The following WWOX variants were observed in gnomAD, a reference collection of about 807,000 sequenced individuals.
WWOX encodes the protein WW domain-containing oxidoreductase.
Under a neutral mutation model 46.2 loss-of-function variants are expected in WWOX, and 69 were observed. The observed-to-expected ratio is 1.49, with a 90% confidence interval of 1.23 to 1.82. The LOEUF is 1.82. Among genes scored for constraint, WWOX ranks in the 40% most tolerant of loss-of-function variants. The pLI, the probability that WWOX is intolerant of heterozygous loss-of-function variation, is 0.00. For synonymous variants in WWOX, 359 were observed against 202.6 expected (o/e 1.77, Z -6.56); for missense variants, 919 against 542.6 (o/e 1.69, Z -6.89).
chr16:78,934,273 T>C lies in WWOX; in HGVS notation c.1057-277335T>C, dbSNP rs540642575. Among the ~76,000 whole-genome samples, 9 of 143,366 alleles carry C rather than the reference T, an allele frequency of 6.3e-5. No individual in the cohort carries two copies. The East Asian group carries it at 1.9e-3, about 31-fold the overall frequency. The allele number at this position is 143,366 out of a possible 152,430, so 94.1% of individuals were successfully genotyped here. A position where few individuals can be genotyped will look rare whatever the true frequency, so the allele number is the denominator to read the frequency against. On this transcript the variant is annotated intron_variant, in intron 8 of 8. Coordinates refer to ENST00000566780, the MANE Select transcript of WWOX (RefSeq NM_016373.4). ...GAATGGCGTGAACCCAGGAGGCGGA[T>C]CTTGCAGTGAGCCGAGATCGCACCA... is the stretch of plus-strand genomic sequence containing the variant.
intron 8 of WWOX, among the ~76,000 whole-genome samples, chr16:78,656,144 A>T (rs2047075622): frequency 6.6e-6 from 1 of 152,156 alleles, no homozygotes; most frequent in Admixed American, 6.5e-5. Context: ...GATGAAAGTT[A>T]TGCTCTGTTG....
chr16:78,511,504 G>A (rs2085359753), intron 8 of WWOX, among the ~76,000 whole-genome samples: 1 of 152,212 alleles, frequency 6.6e-6, no homozygotes, highest in Non-Finnish European at 1.5e-5. Flanking sequence ...TTGCCCCCAA[G>A]CCTGTTGCCT....
intron 5 of WWOX, among the ~76,000 whole-genome samples, chr16:78,244,938 C>T (rs1054938050): frequency 6.6e-6 from 1 of 152,062 alleles, no homozygotes; most frequent in African/African-American, 2.4e-5. Context: ...AAAGAAAATC[C>T]TCCAATATAT....
At chr16:78,263,465 A>C (rs2079289787) in intron 5 of WWOX, among the ~76,000 whole-genome samples, 1 of 152,114 alleles carries the variant, frequency 6.6e-6, no homozygotes, top group African/African-American at 2.4e-5. Context: ...GGAGAAGGGG[A>C]TATAAGTGCA....
chr16:78,809,878 A>G (rs1373936868), intron 8 of WWOX, among the ~76,000 whole-genome samples: 1 of 152,118 alleles, frequency 6.6e-6, no homozygotes, highest in African/African-American at 2.4e-5. Context: ...GCATGTGCAT[A>G]TGAGCTTTCC....
intron 5 of WWOX, among the ~76,000 whole-genome samples, chr16:78,243,505 C>T (rs2037723995): frequency 1.3e-5 from 2 of 152,134 alleles, no homozygotes; most frequent in East Asian, 3.9e-4. Context: ...TCGGTCCTCT[C>T]CCTCCTTCCA....
At chr16:78,557,763 T>A (rs1313945357) in intron 8 of WWOX, among the ~76,000 whole-genome samples, 2 of 146,934 alleles carry the variant, frequency 1.4e-5, no homozygotes, top group African/African-American at 5.2e-5. Flanking sequence ...TGGCGCGATG[T>A]CAGCTCACTG....
chr16:79,129,963 C>T (rs976576238), intron 8 of WWOX, among the ~76,000 whole-genome samples: 107 of 152,142 alleles, frequency 7.0e-4, no homozygotes, highest in Non-Finnish European at 1.2e-3. Flanking sequence ...TTTAAGTCTC[C>T]GTTTCCTCAT....
intron 5 of WWOX, among the ~76,000 whole-genome samples, chr16:78,333,524 C>T (rs1308040207): frequency 6.6e-6 from 1 of 151,940 alleles, no homozygotes. Flanking sequence ...GTTCTTTTTG[C>T]TTTGTCCGTC....
At chr16:78,690,638 C>T (rs1691216804) in intron 8 of WWOX, among the ~76,000 whole-genome samples, 1 of 150,834 alleles carries the variant, frequency 6.6e-6, no homozygotes, top group Non-Finnish European at 1.5e-5. Flanking sequence ...AATATATTCA[C>T]AGTTGCAAAC....
rs577022903 is a variant in WWOX at position 79,114,958 on chromosome 16, A to G, written c.1057-96650A>G. Among the ~76,000 whole-genome samples, 238 of 152,358 alleles carry G rather than the reference A, an allele frequency of 1.6e-3. No homozygotes were observed. In the Middle Eastern group the frequency reaches 0.027, roughly 17 times the overall value. Reference sequence around the variant, plus strand: ...ACTAAATTATATACATCTCAAGGGCAGTTAGACAATTAGCTCGCCCACAGG... The same window carrying G: ...ACTAAATTATATACATCTCAAGGGCGGTTAGACAATTAGCTCGCCCACAGG... On this transcript the variant is annotated intron_variant, in intron 8 of 8. Coordinates refer to ENST00000566780, the MANE Select transcript of WWOX (RefSeq NM_016373.4).
At chr16:79,125,406 A>T (rs1199718902) in intron 8 of WWOX, among the ~76,000 whole-genome samples, 1 of 152,254 alleles carries the variant, frequency 6.6e-6, no homozygotes, top group East Asian at 1.9e-4. Flanking sequence ...GTGCAAAATA[A>T]GCCTTTGAAG....
chr16:78,823,057 C>T (rs545068793), intron 8 of WWOX, among the ~76,000 whole-genome samples: 1 of 152,188 alleles, frequency 6.6e-6, no homozygotes, highest in Non-Finnish European at 1.5e-5. Flanking sequence ...CCTTTTATTG[C>T]ATGCTTTGAA....
chr16:78,926,320 C>T (rs2045496760), intron 8 of WWOX, among the ~76,000 whole-genome samples: 1 of 151,636 alleles, frequency 6.6e-6, no homozygotes, highest in African/African-American at 2.4e-5. Flanking sequence ...TTGCAGTGAG[C>T]CATGCTCGTG....
At chr16:78,878,359 C>G (rs1262161210) in intron 8 of WWOX, among the ~76,000 whole-genome samples, 1 of 152,086 alleles carries the variant, frequency 6.6e-6, no homozygotes, top group Non-Finnish European at 1.5e-5. Flanking sequence ...AATTCCTGCC[C>G]CTGTCATTGA....
chr16:78,989,974 C>G (rs12925802), intron 8 of WWOX, among the ~76,000 whole-genome samples: 131,180 of 151,606 alleles, frequency 0.87, 56,797 homozygotes, highest in Middle Eastern at 0.92. Context: ...CTTGAACTCA[C>G]GAGTTCGAGG....
intron 8 of WWOX, among the ~76,000 whole-genome samples, chr16:78,798,305 A>G (rs2050796545): frequency 6.6e-6 from 1 of 152,146 alleles, no homozygotes; most frequent in Non-Finnish European, 1.5e-5. Context: ...GACGCTTTTC[A>G]AGAGAGAGAA....
chr16:78,287,528 C>T (rs1445027054), intron 5 of WWOX, among the ~76,000 whole-genome samples: 1 of 152,146 alleles, frequency 6.6e-6, no homozygotes, highest in East Asian at 1.9e-4. Flanking sequence ...TATATGCTAT[C>T]ATCTCTGAGA....
intron 8 of WWOX, among the ~76,000 whole-genome samples, chr16:78,616,964 G>A (rs1267797890): frequency 6.6e-6 from 1 of 152,148 alleles, no homozygotes; most frequent in Non-Finnish European, 1.5e-5. Context: ...TTTAACAAGA[G>A]ACACATGTCA....
Sources: gnomAD v4.1 joint callset for allele counts (sites outside exome capture counted in the v4.1 genomes callset) on GRCh38, gnomAD v4.1.1 for gene constraint, MANE v1.5 for transcripts, NCBI Gene and HGNC (gene_info 2026-07-23, HGNC 2026-07-21) for gene names.